PRRG2: variants seen among roughly 807,000 people sequenced by gnomAD.
PRRG2 encodes transmembrane gamma-carboxyglutamic acid protein 2.
Under a neutral mutation model 27.1 loss-of-function variants are expected in PRRG2, and 23 were observed. The observed-to-expected ratio is 0.85, with a 90% CI of 0.61 to 1.20. PRRG2 has a LOEUF of 1.20. Ranked by LOEUF, PRRG2 falls within the 50% of genes most tolerant of loss-of-function variation. The pLI, the probability that PRRG2 is intolerant of heterozygous loss-of-function variation, is 0.00. For synonymous variants in PRRG2, 104 were observed against 103.4 expected, an observed-to-expected ratio of 1.01 and a Z score of -0.03; for missense variants, 276 against 254.8, an observed-to-expected ratio of 1.08 and a Z score of -0.57.
At chr19:49,587,296 G>C (rs542465363) in intron 4 of PRRG2, among the ~76,000 whole-genome samples, 93 of 148,686 alleles carry the variant, frequency 6.3e-4, no homozygotes, top group Non-Finnish European at 1.1e-3. Context: ...AATTTTAAAA[G>C]CGTATTCCAA....
At chr19:49,586,817 C>T (rs1161565867) in intron 4 of PRRG2, among the ~76,000 whole-genome samples, 6 of 152,114 alleles carry the variant, frequency 3.9e-5, no homozygotes, top group South Asian at 2.1e-4. Flanking sequence ...CGCCACTGCA[C>T]GCCAGCCTGG....
intron 1 of PRRG2, among the ~76,000 whole-genome samples, chr19:49,582,592 C>A (rs2080636174): frequency 6.6e-6 from 1 of 151,968 alleles, no homozygotes; most frequent in Non-Finnish European, 1.5e-5. Context: ...CATGGTGAAA[C>A]CCCATCTCTA....
In PRRG2 at chr19:49,590,581, C is replaced by T; in HGVS notation, c.*192C>T. 2.8e-6 allele frequency: 2 copies of T among 727,174 alleles called. No homozygotes were observed. Among genetic ancestry groups the T allele is most frequent in the South Asian group, 1.8e-5 (1 of 56,536 alleles). The allele number at this position is 727,174 out of a possible 1,614,324, so 45.0% of individuals were successfully genotyped here. ...ATGGATATACACATGTTTTCGGCAA[C>T]GTGTTCCCGTGTCCTGGCCCCTCAC... On this transcript the variant is annotated 3_prime_UTR_variant, in exon 7 of 7. Coordinates refer to ENST00000246794, the MANE Select transcript of PRRG2 (RefSeq NM_000951.3).
chr19:49,589,776 C>T (rs1043435741), intron 5 of PRRG2, 124 bp from the exon 6 acceptor site: 3 of 1,101,606 alleles, frequency 2.7e-6, no homozygotes, highest in Non-Finnish European at 2.7e-6. Context: ...TTTCTGAAGT[C>T]CACCTCCCTT....
upstream of PRRG2, among the ~76,000 whole-genome samples, chr19:49,581,115 C>A (rs3760706): frequency 0.017 from 2,530 of 152,176 alleles, 139 homozygotes; most frequent in East Asian, 0.13. Context: ...TTTTCTAGCT[C>A]GGACAGACGA....
At position 49,590,393 on chromosome 19, in the gene PRRG2, GCT is replaced by G. The variant is rs748772560; in HGVS notation, c.*5_*6del. 1 of 1,614,126 alleles carries G rather than the reference GCT, an allele frequency of 6.2e-7. No individual in the cohort carries two copies. The highest frequency in any genetic ancestry group is 1.7e-5 in the Admixed American group (1 of 60,004). ...CAGCCTCAGGAGGCCTCACTGAAGA[GCT>G]GCTTTCGAGACCCGGCTCTCCGAAC... On this transcript the variant is annotated 3_prime_UTR_variant, in exon 7 of 7. Transcript: ENST00000246794.
Position 49,590,017 on chromosome 19 carries a change from T to C in PRRG2, c.555T>C (p.Ser185=). 2 of 1,507,998 alleles carry C rather than the reference T, an allele frequency of 1.3e-6. No individual in the cohort carries two copies. The highest frequency in any genetic ancestry group is 1.2e-5 in the South Asian group (1 of 83,034). The allele number at this position is 1,507,998 out of a possible 1,614,324, so 93.4% of individuals were successfully genotyped here. The part of the protein sequence containing the change: ...LPTYEQALAA[S]GVHDAPPPPY... ...CCTATGAGCAGGCGCTGGCAGCCTCTGGGGTACACGACGCACCTCCACCCC... is the reference window on the plus strand; with the variant it reads ...CCTATGAGCAGGCGCTGGCAGCCTCCGGGGTACACGACGCACCTCCACCCC... Residue 185 remains serine, a synonymous_variant, in exon 6 of 7, where the codon TCT becomes TCC. Transcript: ENST00000246794.
At chr19:49,584,026 C>T (rs1284446476) in intron 4 of PRRG2, 74 bp downstream of exon 4, 1 of 1,429,602 alleles carries the variant, frequency 7.0e-7, no homozygotes, top group African/African-American at 1.4e-5. Context: ...AAACCAACGT[C>T]CTCCACCCCA....
At position 49,590,521 on chromosome 19, in the gene PRRG2, C is replaced by T; in HGVS notation, c.*132C>T. 1.5e-6 allele frequency: 2 copies of T among 1,292,664 alleles called. No homozygotes were observed. The highest frequency in any genetic ancestry group is 2.1e-5 in the Admixed American group (1 of 47,746). The allele number at this position is 1,292,664 out of a possible 1,614,324, so 80.1% of individuals were successfully genotyped here. On this transcript the variant is annotated 3_prime_UTR_variant, in exon 7 of 7. Coordinates refer to ENST00000246794, the MANE Select transcript of PRRG2 (RefSeq NM_000951.3). ...TGGTGGGAGTAGGGGTCATCCGGCC[C>T]GAGGCCTGCCCTGGCACACGCGTTT...
At chr19:49,587,614 T>C (rs1485975662) in intron 4 of PRRG2, among the ~76,000 whole-genome samples, 1 of 149,258 alleles carries the variant, frequency 6.7e-6, no homozygotes, top group African/African-American at 2.5e-5. Flanking sequence ...GCCTCCCAAG[T>C]AGCTGGAATT....
Position 49,590,054 on chromosome 19 carries a change from T to C in PRRG2, c.590+2T>C. On this transcript the variant is annotated splice_donor_variant, in intron 6 of 6. Transcript: ENST00000246794. LOFTEE classifies it high-confidence loss of function. ...CGCACCTCCACCCCCCTACACCAGG[T>C]ATGGGGCGTGGCTTCTGCCCGGGGG... The C allele has an allele frequency of 6.9e-7, 1 of 1,459,622 alleles. No homozygotes were observed. Among genetic ancestry groups the C allele is most frequent in the Non-Finnish European group, 9.1e-7 (1 of 1,104,832 alleles). 90.4% of individuals were successfully genotyped at this position (1,459,622 alleles called of 1,614,324 possible). A position where few individuals can be genotyped will look rare whatever the true frequency, so the allele number is the denominator to read the frequency against.
At chr19:49,589,184 A>G (rs2080695339) in intron 5 of PRRG2, among the ~76,000 whole-genome samples, 1 of 144,222 alleles carries the variant, frequency 6.9e-6, no homozygotes, top group Admixed American at 7.1e-5. Flanking sequence ...CTGGAGTGCA[A>G]TGGCATGATC....
In PRRG2 at chr19:49,583,283, C is replaced by T. The variant is rs35016366; in HGVS notation, c.64C>T (p.Pro22Ser). The T allele has an allele frequency of 3.5e-4, 568 of 1,614,130 alleles. 3 individuals carry two copies. The African/African-American group carries it at 6.0e-3, about 17-fold the overall frequency. The change falls in exon 2 of 7, where the codon CCC (proline) becomes TCC (serine). Residue 22 changes from proline (P) to serine (S), a missense_variant. Transcript: ENST00000246794. ...ATTAACCACCTGCCTGGATACTTCA[C>T]CCAGTGAGGAGACAGACCAAGGTGA... is the stretch of plus-strand genomic sequence containing the variant. ...MALTTCLDTS[P>S]SEETDQEVFL...
chr19:49,588,507 A>T lies in PRRG2; in HGVS notation c.312A>T (p.Arg104=), dbSNP rs553577305. The T allele has an allele frequency of 6.2e-5, 98 of 1,591,180 alleles. No homozygotes were observed. The highest frequency in any genetic ancestry group is 8.1e-5 in the Non-Finnish European group (95 of 1,169,390). ...YIYNGKGGRG[R]VDVASLAVGL... ...CCTACTTTCCTGCAGGGCGTGGACG[A>T]GTGGATGTGGCCAGCCTGGCTGTGG... is the stretch of plus-strand genomic sequence containing the variant. The change falls in exon 5 of 7, where the codon CGA becomes CGT. Residue 104 remains arginine (R), a synonymous_variant. Coordinates refer to ENST00000246794, the MANE Select transcript of PRRG2 (RefSeq NM_000951.3).
intron 5 of PRRG2, among the ~76,000 whole-genome samples, chr19:49,589,133 T>A (rs921884740): frequency 1.4e-5 from 2 of 147,814 alleles, no homozygotes; most frequent in Admixed American, 1.3e-4. Flanking sequence ...CTTTTTTTTT[T>A]TTTTTTTTTT....
At chr19:49,587,851 T>G (rs1374226781) in intron 4 of PRRG2, among the ~76,000 whole-genome samples, 1 of 152,124 alleles carries the variant, frequency 6.6e-6, no homozygotes, top group Non-Finnish European at 1.5e-5. Flanking sequence ...ACTCCTGACC[T>G]CAAGTGATCT....
chr19:49,583,164 C>T (rs1298705854), intron 1 of PRRG2, 43 bp from the exon 2 acceptor site: 1 of 1,531,702 alleles, frequency 6.5e-7, no homozygotes, highest in East Asian at 2.2e-5. Context: ...CCTCATTACC[C>T]AGGGACTAAG....
rs759375066 is a variant in PRRG2 at position 49,590,004 on chromosome 19, C to A, written c.542C>A (p.Ala181Glu). Residue 181 changes from alanine to glutamate, a missense_variant, in exon 6 of 7, where the codon GCG (alanine) becomes GAG (glutamate). By Grantham distance (107) the Ala-to-Glu change is moderately radical (BLOSUM62 -1). Transcript: ENST00000246794. ...PPPGLPTYEQ[A>E]LAASGVHDAP... is the part of the protein sequence containing the mutation. ...CCAGGCCTCCCCACCTATGAGCAGG[C>A]GCTGGCAGCCTCTGGGGTACACGAC... The A allele has an allele frequency of 7.2e-6, 11 of 1,526,246 alleles. No individual in the cohort carries two copies. The Admixed American group carries it at 1.4e-4, about 19-fold the overall frequency. The allele number at this position is 1,526,246 out of a possible 1,614,324, so 94.5% of individuals were successfully genotyped here.
rs1337574354 is a variant in PRRG2, at chr19:49,587,963, TG to T, written c.302-533del. On this transcript the variant is annotated intron_variant, in intron 4 of 6. Transcript: ENST00000246794. ...TTGGTTTTTGTTTGTTTGTTTGTTTTGTTTTTTTTTATTTTGAGATGAAGTC... is the reference window on the plus strand; with the variant it reads ...TTGGTTTTTGTTTGTTTGTTTGTTTTTTTTTTTTTATTTTGAGATGAAGTC... Among the ~76,000 whole-genome samples the T allele has an allele frequency of 1.3e-4, 16 of 121,588 alleles. No individual in the cohort carries two copies. The South Asian group carries it at 3.5e-3, about 27-fold the overall frequency. 79.8% of individuals were successfully genotyped at this position (121,588 alleles called of 152,430 possible). A position where few individuals can be genotyped will look rare whatever the true frequency, so the allele number is the denominator to read the frequency against.
Sources: allele counts gnomAD v4.1 joint callset (sites outside exome capture counted in the v4.1 genomes callset), GRCh38; gene constraint gnomAD v4.1.1; transcripts MANE v1.5; gene names NCBI Gene and HGNC (gene_info 2026-07-23, HGNC 2026-07-21).